The following MYO1E variants were observed in gnomAD, a reference collection of about 807,000 sequenced individuals.
The protein encoded by MYO1E is myosin IE, also known as unconventional myosin-Ie.
In MYO1E, 68 loss-of-function variants were observed where a neutral mutation model predicts 151.1. The ratio of observed to expected loss-of-function variants is 0.45; its 90% CI spans 0.37 to 0.55. The LOEUF (loss-of-function observed/expected upper bound fraction) is 0.55. MYO1E is among the 20% of genes least tolerant of loss of function. The pLI is 0.00. For missense variants in MYO1E, 1,363 were observed against 1,389.3 expected (o/e 0.98, Z 0.30); for synonymous variants, 601 against 501.7 (o/e 1.20, Z -2.64).
chr15:59,347,221 T>C (rs985540201), intron 1 of MYO1E, among the ~76,000 whole-genome samples: 2 of 152,108 alleles, frequency 1.3e-5, no homozygotes, highest in Non-Finnish European at 2.9e-5. Context: ...TAGATTCCCA[T>C]AGAAGCACAA....
intron 18 of MYO1E, among the ~76,000 whole-genome samples, chr15:59,180,798 T>A (rs774139553): frequency 8.5e-5 from 13 of 152,252 alleles, no homozygotes; most frequent in Admixed American, 6.5e-5. Flanking sequence ...TGGGAACAGG[T>A]TGCACAGGGC....
chr15:59,188,788 A>G (rs1406286814), intron 17 of MYO1E, among the ~76,000 whole-genome samples: 1 of 152,202 alleles, frequency 6.6e-6, no homozygotes, highest in African/African-American at 2.4e-5. Flanking sequence ...TAACAGTAAC[A>G]CAAAGACCCA....
At chr15:59,280,743 C>G (rs960741979) in intron 1 of MYO1E, among the ~76,000 whole-genome samples, 2 of 151,766 alleles carry the variant, frequency 1.3e-5, no homozygotes, top group South Asian at 4.1e-4. Context: ...CCAGTAGCAT[C>G]TTAGGTGTGA....
intron 10 of MYO1E, among the ~76,000 whole-genome samples, chr15:59,216,666 G>GTACA (rs1555411937): frequency 1.3e-4 from 4 of 30,892 alleles, no homozygotes; most frequent in Admixed American, 1.0e-3. Flanking sequence ...GTGTGTATGT[G>GTACA]TATATATATA....
chr15:59,145,599 C>T lies in MYO1E; in HGVS notation c.3081-7232G>A, dbSNP rs536199913. ...TAGAGATGGGGTTTCACCCTGTTGC[C>T]CAGGCTGGTCTCGAACTCCTGGCCT... On this transcript the variant is annotated intron_variant, in intron 26 of 27. Transcript: ENST00000288235. Among the ~76,000 whole-genome samples the T allele has an allele frequency of 2.6e-5, 4 of 151,932 alleles. No individual in the cohort carries two copies. In the East Asian group the frequency reaches 7.8e-4, roughly 30 times the overall value.
intron 3 of MYO1E, among the ~76,000 whole-genome samples, chr15:59,257,764 G>A (rs2080202143): frequency 6.6e-6 from 1 of 151,978 alleles, no homozygotes; most frequent in Admixed American, 6.6e-5. Flanking sequence ...GCCTAGGACT[G>A]GTCACCTAAA....
chr15:59,162,657 AAG>A (rs1404238797), intron 23 of MYO1E, among the ~76,000 whole-genome samples: 1 of 129,168 alleles, frequency 7.7e-6, no homozygotes, highest in African/African-American at 2.8e-5. Flanking sequence ...AGAAAAAAAA[AAG>A]AAAAAAAAAA....
intron 22 of MYO1E, among the ~76,000 whole-genome samples, chr15:59,168,151 A>G (rs1270984961): frequency 1.3e-5 from 2 of 152,336 alleles, no homozygotes. Flanking sequence ...TCAACTAGAC[A>G]TATATCTGTA....
In MYO1E at chr15:59,192,300, A is replaced by T. The variant is rs910598045; in HGVS notation, c.1805+3161T>A. ...GCTGCAATTCAAAGGGGAATCATTT[A>T]AAAAAAAAAAAAAGAAAAGAGAAAA... is the stretch of plus-strand genomic sequence containing the variant. On this transcript the variant is annotated intron_variant, in intron 17 of 27. Coordinates refer to ENST00000288235, the MANE Select transcript of MYO1E (RefSeq NM_004998.4). 7.8e-5 allele frequency among the ~76,000 whole-genome samples: 11 copies of T among 141,150 alleles called. No individual in the cohort carries two copies. In the East Asian group the frequency reaches 1.6e-3, roughly 21 times the overall value. The allele number at this position is 141,150 out of a possible 152,430, so 92.6% of individuals were successfully genotyped here. A position where few individuals can be genotyped will look rare whatever the true frequency, so the allele number is the denominator to read the frequency against.
intron 1 of MYO1E, among the ~76,000 whole-genome samples, chr15:59,309,263 C>T (rs11071427): frequency 0.65 from 99,190 of 152,030 alleles, 33,331 homozygotes; most frequent in East Asian, 0.88. Flanking sequence ...AGTAATGCTA[C>T]AAGAATGGTG....
chr15:59,369,623 T>A (rs1342598339), intron 1 of MYO1E, among the ~76,000 whole-genome samples: 2 of 152,208 alleles, frequency 1.3e-5, no homozygotes, highest in African/African-American at 2.4e-5. Flanking sequence ...AGGGTTTTTT[T>A]TAACTTCTTC....
At chr15:59,213,140 TTATTA>T (rs145925984) in intron 12 of MYO1E, among the ~76,000 whole-genome samples, 3,748 of 24,502 alleles carry the variant, frequency 0.15, 144 homozygotes, top group African/African-American at 0.21. Flanking sequence ...TATTTATTTA[TTATTA>T]TTATTATTAT....
intron 2 of MYO1E, among the ~76,000 whole-genome samples, chr15:59,269,330 G>A (rs1030818723): frequency 3.9e-5 from 6 of 151,954 alleles, no homozygotes; most frequent in Non-Finnish European, 8.8e-5. Flanking sequence ...AAAACGTTTC[G>A]GTCACCAAAT....
chr15:59,204,021 T>C (rs777114286), intron 15 of MYO1E, among the ~76,000 whole-genome samples: 2 of 152,220 alleles, frequency 1.3e-5, no homozygotes, highest in Non-Finnish European at 2.9e-5. Flanking sequence ...CATGTCCGTA[T>C]GACAGCAGTT....
chr15:59,211,186 C>T (rs924284348), intron 12 of MYO1E, among the ~76,000 whole-genome samples: 3 of 136,706 alleles, frequency 2.2e-5, no homozygotes, highest in Admixed American at 7.6e-5. Flanking sequence ...GATGACAGAG[C>T]GAAACTCCAA....
intron 1 of MYO1E, among the ~76,000 whole-genome samples, chr15:59,359,147 T>C (rs1248096947): frequency 1.3e-5 from 2 of 151,930 alleles, no homozygotes; most frequent in Admixed American, 6.6e-5. Context: ...GAAACAAGGT[T>C]GGGCACAGTA....
At chr15:59,173,603 T>A in intron 21 of MYO1E, 143 bp downstream of exon 21, 1 of 928,706 alleles carries the variant, frequency 1.1e-6, no homozygotes, top group South Asian at 1.4e-5. Flanking sequence ...AGGTGCCTGT[T>A]TATCTTTTGG....
At chr15:59,274,715 G>C (rs753006378) in intron 1 of MYO1E, among the ~76,000 whole-genome samples, 2 of 152,116 alleles carry the variant, frequency 1.3e-5, no homozygotes, top group Non-Finnish European at 2.9e-5. Flanking sequence ...GTTTGTCTCA[G>C]TATCAAACCC....
At chr15:59,247,140 G>T (rs568749417) in intron 4 of MYO1E, among the ~76,000 whole-genome samples, 1 of 152,204 alleles carries the variant, frequency 6.6e-6, no homozygotes, top group Non-Finnish European at 1.5e-5. Context: ...AGGTTGCAGT[G>T]TGTTGAAATT....
Sources: gnomAD v4.1 joint callset for allele counts (sites outside exome capture counted in the v4.1 genomes callset) on GRCh38, gnomAD v4.1.1 for gene constraint, MANE v1.5 for transcripts, NCBI Gene and HGNC (gene_info 2026-07-23, HGNC 2026-07-21) for gene names.